Variants in MEST observed in about 807,000 individuals in gnomAD.
MEST encodes mesoderm-specific transcript homolog protein.
A neutral mutation model predicts 50.9 loss-of-function variants in MEST; 18 were observed. That is an observed-to-expected ratio of 0.35 (90% CI 0.24 to 0.52). The LOEUF (loss-of-function observed/expected upper bound fraction) is 0.52, where lower values mean the gene tolerates loss of function less well. MEST is among the 20% of genes least tolerant of loss of function. The probability of loss-of-function intolerance (pLI) is 0.94; values close to 1 mark genes in which losing one functional copy is unlikely to be tolerated. For missense variants in MEST, 282 were observed against 425.3 expected (o/e 0.66, Z 2.96); for synonymous variants, 130 against 154.1 (o/e 0.84, Z 1.16).
intron 6 of MEST, 93 bp downstream of exon 6, chr7:130,498,570 C>T: frequency 8.7e-7 from 1 of 1,152,388 alleles, no homozygotes; most frequent in Non-Finnish European, 1.3e-6. Context: ...GATAATATTT[C>T]AAGTAGACAT....
intron 6 of MEST, 174 bp downstream of exon 6, chr7:130,498,651 C>A: frequency 1.6e-6 from 1 of 636,912 alleles, no homozygotes; most frequent in Non-Finnish European, 2.8e-6. Context: ...ATTTATGGAC[C>A]CTTTCTCAGA....
Position 130,504,005 on chromosome 7 carries a change from C to A in MEST, c.890+9C>A. ...TTTTTGGAGCTGTACAGGTGAGTCTCCCCGAGAGAAGTCTATGTTTTGTTA... is the reference window on the plus strand; with the variant it reads ...TTTTTGGAGCTGTACAGGTGAGTCTACCCGAGAGAAGTCTATGTTTTGTTA... On this transcript the variant is annotated intron_variant, in intron 11 of 11. Transcript: ENST00000223215. 1.9e-6 allele frequency: 3 copies of A among 1,608,236 alleles called. No homozygotes were observed. The East Asian group carries it at 6.7e-5, about 36-fold the overall frequency.
rs1321842399 is a variant in MEST at position 130,502,706 on chromosome 7, C to G, written c.812C>G (p.Ser271Cys). 6.2e-7 allele frequency: 1 copy of G among 1,612,978 alleles called. No individual in the cohort carries two copies. Among genetic ancestry groups the G allele is most frequent in the East Asian group, 2.2e-5 (1 of 44,880 alleles). Residue 271 changes from serine to cysteine, a missense_variant, in exon 10 of 12, where the codon TCT becomes TGT. Physicochemically the swap from Ser to Cys is moderately radical, Grantham distance 112. Transcript: ENST00000223215. ...AGGCGCTGGGTGGGAGCTCTTGCCTCTGTAACTATCCCCAGTGAGTATTTT... is the reference window on the plus strand; with the variant it reads ...AGGCGCTGGGTGGGAGCTCTTGCCTGTGTAACTATCCCCAGTGAGTATTTT... ...FRRRWVGALASVTIPIHFIYG... is the reference protein window; with the variant it reads ...FRRRWVGALACVTIPIHFIYG...
At chr7:130,486,750 T>C (rs1554433825) in intron 1 of MEST, 2 of 152,188 alleles carry the variant, frequency 1.3e-5, no homozygotes. Context: ...GTTAGCTGGC[T>C]CCACCCGCCC....
rs1563024050 is a variant in MEST, at chr7:130,498,441, C to T, written c.499C>T (p.Arg167Trp). 6 of 1,613,916 alleles carry T rather than the reference C, an allele frequency of 3.7e-6. No individual in the cohort carries two copies. In the Admixed American group the frequency reaches 5.0e-5, roughly 13 times the overall value. ...LYRYKQNRSG[R>W]LTIKSLCLSN... Reference sequence around the variant, plus strand: ...TAGGTACAAGCAGAATCGATCTGGTCGGCTTACCATAAAGAGTCTCTGTCT... The same window carrying T: ...TAGGTACAAGCAGAATCGATCTGGTTGGCTTACCATAAAGAGTCTCTGTCT... The change falls in exon 6 of 12, where the codon CGG becomes TGG. Residue 167 changes from arginine to tryptophan, a missense_variant. By Grantham distance (101) the Arg-to-Trp change is moderately radical. Transcript: ENST00000223215.
At chr7:130,495,695 G>T (rs2116253548) in intron 2 of MEST, 173 bp downstream of exon 2, 2 of 625,124 alleles carry the variant, frequency 3.2e-6, no homozygotes, top group Admixed American at 7.3e-5. Context: ...TGGGAGAATG[G>T]GGGTAGGGAC....
chr7:130,494,923 T>G (rs1798984013), intron 1 of MEST: 1 of 729,272 alleles, frequency 1.4e-6, no homozygotes, highest in Non-Finnish European at 1.7e-6. Flanking sequence ...TTTTACTGGT[T>G]GGGGGTAGTG....
intron 6 of MEST, chr7:130,498,823 G>T: frequency 2.9e-6 from 1 of 346,370 alleles, no homozygotes; most frequent in Non-Finnish European, 5.3e-6. Context: ...AGTGAGGAGT[G>T]TAAAGACTGT....
At position 130,500,772 on chromosome 7, in the gene MEST, G is replaced by A. The variant is rs373035331; in HGVS notation, c.648-17G>A. 6 of 1,596,926 alleles carry A rather than the reference G, an allele frequency of 3.8e-6. No individual in the cohort carries two copies. The highest frequency in any genetic ancestry group is 2.7e-5 in the African/African-American group (2 of 74,214). On this transcript the variant is annotated splice_polypyrimidine_tract_variant and intron_variant, in intron 8 of 11. Transcript: ENST00000223215. The surrounding 1 kb of genome is among the most constrained non-coding windows in gnomAD (Gnocchi z 5.0). ...GTTCTCCTCACACTTATCTTCCTGC[G>A]TTTTGGACTCTTTCAGTCTCACCCC...
At chr7:130,498,764 T>A (rs1799166319) in intron 6 of MEST, 1 of 507,144 alleles carries the variant, frequency 2.0e-6, no homozygotes, top group South Asian at 2.2e-5. Flanking sequence ...TTTCAATGCA[T>A]TAGATAGCAA....
Position 130,492,659 on chromosome 7 carries a change from T to A in MEST, c.26+320T>A, listed in dbSNP as rs1206145288. On this transcript the variant is annotated intron_variant, in intron 1 of 11. Transcript: ENST00000223215. The surrounding 1 kb of genome is among the most constrained non-coding windows in gnomAD (Gnocchi z 7.6). ...ATCCATAATGACCCTGGTCTCACCC[T>A]GATGCGAATTGGGATTTTTAGATCC... is the stretch of plus-strand genomic sequence containing the variant. 7 of 289,338 alleles carry A rather than the reference T, an allele frequency of 2.4e-5. No individual in the cohort carries two copies. Among genetic ancestry groups the A allele is most frequent in the African/African-American group, 1.5e-4 (7 of 45,868 alleles). 17.9% of individuals were successfully genotyped at this position (289,338 alleles called of 1,614,324 possible).
intron 1 of MEST, chr7:130,493,388 GCTCATCAA>G (rs1554435973): frequency 1.3e-5 from 2 of 152,154 alleles, no homozygotes; most frequent in Non-Finnish European, 2.9e-5. Flanking sequence ...TCCGCTCATG[GCTCATCAA>G]ATAGTTGGGA....
In MEST at chr7:130,504,941, A is replaced by G; in HGVS notation, c.893A>G (p.Lys298Arg). 1 of 1,613,632 alleles carries G rather than the reference A, an allele frequency of 6.2e-7. No individual in the cohort carries two copies. Among genetic ancestry groups the G allele is most frequent in the Non-Finnish European group, 8.5e-7 (1 of 1,179,624 alleles). The part of the protein sequence containing the change: ...PYPEFLELYR[K>R]TLPRSTVSIL... ...TGCGTGCTGTTCTCTTCCACTAGGA[A>G]AACGCTGCCGCGGTCCACAGTGTCG... Residue 298 changes from lysine to arginine, a missense_variant and splice_region_variant, in exon 12 of 12, where the codon AAA becomes AGA. Physicochemically the swap from Lys to Arg is conservative, Grantham distance 26. Coordinates refer to ENST00000223215, the MANE Select transcript of MEST (RefSeq NM_002402.4).
rs144800450 is a variant in MEST at position 130,503,971 on chromosome 7, T to C, written c.865T>C (p.Tyr289His). 8.4e-4 allele frequency: 1,356 copies of C among 1,613,458 alleles called. 9 individuals carry two copies. The African/African-American group carries it at 0.017, about 20-fold the overall frequency. The change falls in exon 11 of 12, where the codon TAT (tyrosine) becomes CAT (histidine). Residue 289 changes from tyrosine to histidine, a missense_variant. By Grantham distance (83) the Tyr-to-His change is moderately conservative. Coordinates refer to ENST00000223215, the MANE Select transcript of MEST (RefSeq NM_002402.4). ...TGGGCCATTGGATCCTGTAAATCCC[T>C]ATCCAGAGTTTTTGGAGCTGTACAG... Reference protein sequence around the residue: ...IYGPLDPVNPYPEFLELYRKT... With the variant: ...IYGPLDPVNPHPEFLELYRKT...
At chr7:130,488,944 T>G (rs1418005322), upstream of MEST, 4 of 152,202 alleles carry the variant, frequency 2.6e-5, no homozygotes, top group African/African-American at 9.6e-5. Context: ...CCAAAACCCC[T>G]TCGTTAACAT....
intron 11 of MEST, 149 bp downstream of exon 11, chr7:130,504,145 G>A: frequency 1.1e-5 from 7 of 620,838 alleles, no homozygotes; most frequent in Admixed American, 1.1e-4. Flanking sequence ...ATTGAGTTGA[G>A]GAATCTTATT....
intron 10 of MEST, 75 bp downstream of exon 10, chr7:130,502,795 T>G (rs527877104): frequency 9.5e-7 from 1 of 1,053,836 alleles, no homozygotes; most frequent in Admixed American, 2.1e-5. Flanking sequence ...TTTATACAAT[T>G]AGGGTTACCA....
intron 2 of MEST, chr7:130,496,183 C>G (rs1554436922): frequency 8.6e-6 from 4 of 462,550 alleles, no homozygotes; most frequent in Non-Finnish European, 8.9e-6. Context: ...TGCTCCTGAC[C>G]TCCTCTCATT....
At position 130,504,824 on chromosome 7, in the gene MEST, T is replaced by C. The variant is rs536215108; in HGVS notation, c.891-115T>C. 4.4e-6 allele frequency: 3 copies of C among 684,742 alleles called. No homozygotes were observed. The East Asian group carries it at 7.5e-5, about 17-fold the overall frequency. The allele number at this position is 684,742 out of a possible 1,614,324, so 42.4% of individuals were successfully genotyped here. On this transcript the variant is annotated intron_variant, in intron 11 of 11. Transcript: ENST00000223215. ...CAGAGTAGAAGGTGAATAAGCTCTT[T>C]GGTGGCTCCTTCCAGTGTGGTGTGT...
Sources: allele counts gnomAD v4.1 joint callset, GRCh38; gene constraint gnomAD v4.1.1; non-coding constraint Gnocchi (gnomAD v3.1); transcripts MANE v1.5; gene names NCBI Gene and HGNC (gene_info 2026-07-23, HGNC 2026-07-21).